Variants in EDRF1 observed in about 807,000 individuals in gnomAD.
EDRF1 encodes erythroid differentiation regulatory factor 1.
In EDRF1, 69 loss-of-function variants were observed where a neutral mutation model predicts 148.7. That is an observed-to-expected ratio of 0.46 (90% CI 0.38 to 0.57). The LOEUF (loss-of-function observed/expected upper bound fraction) is 0.57, where lower values mean the gene tolerates loss of function less well. EDRF1 is among the 20% of genes least tolerant of loss of function. EDRF1 has a pLI of 0.00. For missense variants in EDRF1, 1,118 were observed against 1,478.7 expected (o/e 0.76, Z 4.00); for synonymous variants, 515 against 532.8 (o/e 0.97, Z 0.46).
At chr10:125,734,885 T>C (rs987934554) in intron 12 of EDRF1, among the ~76,000 whole-genome samples, 3 of 152,190 alleles carry the variant, frequency 2.0e-5, no homozygotes, top group African/African-American at 7.2e-5. Context: ...GCAATTTTTC[T>C]TTGAAGAGCC....
chr10:125,754,554 C>G (rs1849802369), intron 24 of EDRF1, among the ~76,000 whole-genome samples: 1 of 152,202 alleles, frequency 6.6e-6, no homozygotes, highest in Non-Finnish European at 1.5e-5. Flanking sequence ...GGACAGAACA[C>G]AGAAGCAGGA....
At chr10:125,744,453 G>A (rs1432385501) in intron 18 of EDRF1, among the ~76,000 whole-genome samples, 2 of 152,152 alleles carry the variant, frequency 1.3e-5, no homozygotes, top group African/African-American at 4.8e-5. Context: ...CAAAGTTCTG[G>A]GATTACAGGC....
At chr10:125,754,941 A>T (rs2133759991) in intron 24 of EDRF1, among the ~76,000 whole-genome samples, 1 of 152,252 alleles carries the variant, frequency 6.6e-6, no homozygotes, top group African/African-American at 2.4e-5. Flanking sequence ...TTTGTGGTGT[A>T]TACTTCTTCA....
chr10:125,756,540 C>T (rs545579852), intron 24 of EDRF1, among the ~76,000 whole-genome samples: 30 of 152,298 alleles, frequency 2.0e-4, no homozygotes, highest in African/African-American at 6.7e-4. Context: ...GTTGAAGTCT[C>T]CAGCTACGCT....
rs776146654 is a variant in EDRF1 at position 125,743,271 on chromosome 10, G to A, written c.2585G>A (p.Arg862Lys). 1.9e-6 allele frequency: 3 copies of A among 1,609,450 alleles called. No homozygotes were observed. Among genetic ancestry groups the A allele is most frequent in the African/African-American group, 1.3e-5 (1 of 74,812 alleles). The change falls in exon 18 of 25, where the codon AGA (arginine) becomes AAA (lysine). Residue 862 changes from arginine (R) to lysine (K), a missense_variant. Around this residue, in one of 3 missense-constraint regions of EDRF1, gnomAD observed 954 missense variants for 1,241.4 expected, o/e 0.77. Coordinates refer to ENST00000356792, the MANE Select transcript of EDRF1 (RefSeq NM_001202438.2). The stretch of plus-strand genomic sequence containing the variant: ...CAGGCTGCTGCATTACAGAGTGAGA[G>A]ACTAGGTGAGTATCTCTTTAGATTC... ...MNQAAALQSE[R>K]LVSKSVSAAE...
intron 17 of EDRF1, 39 bp downstream of exon 17, chr10:125,741,240 C>G: frequency 6.4e-7 from 1 of 1,559,906 alleles, no homozygotes; most frequent in Non-Finnish European, 8.8e-7. Flanking sequence ...CACAGTGGGA[C>G]TGTGCAGTCT....
At chr10:125,745,425 T>TA in intron 18 of EDRF1, 1 of 449,530 alleles carries the variant, frequency 2.2e-6, no homozygotes, top group Non-Finnish European at 4.1e-6. Context: ...ATCCCACCCT[T>TA]ACAATCTCAT....
At chr10:125,731,078 T>C (rs1431321034) in intron 9 of EDRF1, among the ~76,000 whole-genome samples, 2 of 152,144 alleles carry the variant, frequency 1.3e-5, no homozygotes, top group African/African-American at 4.8e-5. Context: ...GCCCAGGAGT[T>C]TGAGGCTGCA....
intron 9 of EDRF1, among the ~76,000 whole-genome samples, chr10:125,730,696 A>C (rs1440088880): frequency 6.6e-6 from 1 of 152,248 alleles, no homozygotes; most frequent in Non-Finnish European, 1.5e-5. Context: ...GAAAGTGTCT[A>C]CACAATGGAG....
Position 125,733,535 on chromosome 10 carries a change from C to T in EDRF1, c.1260C>T (p.Thr420=). The T allele has an allele frequency of 1.0e-5, 16 of 1,600,398 alleles. No homozygotes were observed. The highest frequency in any genetic ancestry group is 1.4e-5 in the Non-Finnish European group (16 of 1,167,824). ...CTAATTGTACCAAAGAAGGACATAC[C>T]TATTGGCTCTTTAAAGGTAAGCTAT... ...LKSNCTKEGH[T]YWLFKASGSD... Residue 420 remains threonine (T), a synonymous_variant, in exon 10 of 25, where the codon ACC becomes ACT. Coordinates refer to ENST00000356792, the MANE Select transcript of EDRF1 (RefSeq NM_001202438.2).
Position 125,740,655 on chromosome 10 carries a change from A to T in EDRF1, c.2170+4A>T. On this transcript the variant is annotated splice_donor_region_variant and intron_variant, in intron 16 of 24. Transcript: ENST00000356792. ...AAATTAGCTTTGCAAAGCCATGGTAAGCCACTATAAATGAATATGTTTAAT... is the reference window on the plus strand; with the variant it reads ...AAATTAGCTTTGCAAAGCCATGGTATGCCACTATAAATGAATATGTTTAAT... 1 of 1,612,728 alleles carries T rather than the reference A, an allele frequency of 6.2e-7. No individual in the cohort carries two copies. Among genetic ancestry groups the T allele is most frequent in the Non-Finnish European group, 8.5e-7 (1 of 1,179,776 alleles).
chr10:125,719,736 C>G lies in EDRF1; in HGVS notation c.-72C>G, dbSNP rs772912747. ...TCCGCGGAGCGTCTCTGGCGCTTAC[C>G]CTGCTTTGGGCCTGCGTTGCTGCTG... On this transcript the variant is annotated 5_prime_UTR_variant, in exon 1 of 25. Coordinates refer to ENST00000356792, the MANE Select transcript of EDRF1 (RefSeq NM_001202438.2). The G allele has an allele frequency of 1.6e-6, 2 of 1,259,610 alleles. No homozygotes were observed. Among genetic ancestry groups the G allele is most frequent in the Admixed American group, 2.3e-5 (1 of 43,628 alleles). 78.0% of individuals were successfully genotyped at this position (1,259,610 alleles called of 1,614,324 possible).
intron 9 of EDRF1, among the ~76,000 whole-genome samples, chr10:125,732,908 TA>T: frequency 6.6e-6 from 1 of 152,112 alleles, no homozygotes; most frequent in East Asian, 1.9e-4. Context: ...TGTGAAGTAA[TA>T]AAGTCCATAG....
chr10:125,726,757 A>G (rs931710895), intron 6 of EDRF1, among the ~76,000 whole-genome samples: 3 of 152,370 alleles, frequency 2.0e-5, no homozygotes, highest in Admixed American at 6.5e-5. Context: ...AAAGTGAGAA[A>G]AATGTAAGGA....
rs1848085488 is a variant in EDRF1, at chr10:125,723,147, T to A, written c.384+13T>A. ...CTCTGACTCTGAAGTAAGTGTTATT[T>A]GTCGCTTAATGTAATTTTGGAGGTG... On this transcript the variant is annotated intron_variant, in intron 3 of 24. Transcript: ENST00000356792. 13 of 1,611,322 alleles carry A rather than the reference T, an allele frequency of 8.1e-6. No homozygotes were observed. The highest frequency in any genetic ancestry group is 1.1e-5 in the Non-Finnish European group (13 of 1,177,514).
At position 125,742,139 on chromosome 10, in the gene EDRF1, G is replaced by A. The variant is rs146132673; in HGVS notation, c.2372-919G>A. ...ACCTTCTGAATGATTCCTTGGGGCTGAAATAAAGTGATCATTGTTTTTAAA... is the reference window on the plus strand; with the variant it reads ...ACCTTCTGAATGATTCCTTGGGGCTAAAATAAAGTGATCATTGTTTTTAAA... On this transcript the variant is annotated intron_variant, in intron 17 of 24. Coordinates refer to ENST00000356792, the MANE Select transcript of EDRF1 (RefSeq NM_001202438.2). 3.0e-4 allele frequency: 298 copies of A among 1,010,170 alleles called. 1 individual carries two copies. The African/African-American group carries it at 4.5e-3, about 15-fold the overall frequency. The allele number at this position is 1,010,170 out of a possible 1,614,324, so 62.6% of individuals were successfully genotyped here.
intron 24 of EDRF1, chr10:125,757,061 C>T (rs1849936057): frequency 2.3e-6 from 1 of 433,014 alleles, no homozygotes; most frequent in Non-Finnish European, 4.6e-6. Context: ...AGTCCACCTT[C>T]CCCAGACTCC....
At position 125,719,914 on chromosome 10, in the gene EDRF1, A is replaced by G; in HGVS notation, c.107A>G (p.Gln36Arg). Residue 36 changes from glutamine to arginine, a missense_variant and splice_region_variant, in exon 1 of 25, where the codon CAG (glutamine) becomes CGG (arginine). This residue lies in a region of EDRF1 where 65 missense variants were observed against 50.3 expected (regional missense o/e 1.29). Transcript: ENST00000356792. ...GGAGAATCCGAGGAATCTTCTGCAC[A>G]GGTGAGTCCTCCGCGGAGGGGGACC... The part of the protein sequence containing the change: ...SQGESEESSA[Q>R]GSALFLGGNE... 1 of 1,612,414 alleles carries G rather than the reference A, an allele frequency of 6.2e-7. No homozygotes were observed. The highest frequency in any genetic ancestry group is 8.5e-7 in the Non-Finnish European group (1 of 1,179,352).
Position 125,735,800 on chromosome 10 carries a change from A to G in EDRF1, c.1654A>G (p.Ser552Gly), listed in dbSNP as rs998978965. 2.1e-5 allele frequency: 34 copies of G among 1,613,746 alleles called. No individual in the cohort carries two copies. The highest frequency in any genetic ancestry group is 2.7e-5 in the Non-Finnish European group (32 of 1,179,780). The change falls in exon 13 of 25, where the codon AGC becomes GGC. Residue 552 changes from serine to glycine, a missense_variant. Physicochemically the swap from Ser to Gly is moderately conservative, Grantham distance 56 (BLOSUM62 0). Transcript: ENST00000356792. ...MPDSDENGSY[S>G]TSSDPSDDSK... ...CGACAGTGATGAAAATGGATCCTAT[A>G]GCACCAGCTCTGATCCATCAGATGA...
Sources: allele counts gnomAD v4.1 joint callset (sites outside exome capture counted in the v4.1 genomes callset), GRCh38; gene constraint gnomAD v4.1.1; regional missense constraint gnomAD v4.1.1; transcripts MANE v1.5; gene names NCBI Gene and HGNC (gene_info 2026-07-23, HGNC 2026-07-21).